OAS2: variants seen among roughly 807,000 people sequenced by gnomAD.
OAS2 encodes 2'-5'-oligoadenylate synthetase 2.
In OAS2, 67 loss-of-function variants were observed where a neutral mutation model predicts 71.3. That is an observed-to-expected ratio of 0.94 (90% CI 0.77 to 1.15). OAS2 has a LOEUF of 1.15. OAS2 is among the 50% of genes most tolerant of loss of function. OAS2 has a pLI of 0.00. For synonymous variants in OAS2, 327 were observed against 321.8 expected, an observed-to-expected ratio of 1.02 and a Z score of -0.17; for missense variants, 789 against 822.5, an observed-to-expected ratio of 0.96 and a Z score of 0.50.
At position 113,007,788 on chromosome 12, in the gene OAS2, G is replaced by A. The variant is rs764614635; in HGVS notation, c.1740G>A (p.Gly580=). 2 of 1,614,200 alleles carry A rather than the reference G, an allele frequency of 1.2e-6. No homozygotes were observed. Among genetic ancestry groups the A allele is most frequent in the Non-Finnish European group, 1.7e-6 (2 of 1,180,014 alleles). Residue 580 remains glycine, a synonymous_variant, in exon 9 of 10, where the codon GGG becomes GGA. Transcript: ENST00000392583. ...ELLTIYAWEQ[G]SGVPDFDTAE... is the part of the protein sequence containing the mutation. ...TCACCATCTATGCCTGGGAGCAGGG[G>A]AGTGGAGTGCCGGATTTTGACACTG...
In OAS2 at chr12:113,004,821, G is replaced by A. The variant is rs560868960; in HGVS notation, c.1180-113G>A. 133 of 1,006,506 alleles carry A rather than the reference G, an allele frequency of 1.3e-4. No individual in the cohort carries two copies. In the South Asian group the frequency reaches 1.9e-3, roughly 15 times the overall value. 62.3% of individuals were successfully genotyped at this position (1,006,506 alleles called of 1,614,324 possible). On this transcript the variant is annotated intron_variant, in intron 6 of 9. Transcript: ENST00000392583. ...GACTCAGCCCTCACTGAACCCTAAC[G>A]CAGAACTTGGCCTTGGAAACAGTGT...
chr12:113,003,146 T>C (rs2044304684), intron 6 of OAS2, 44 bp downstream of exon 6: 9 of 1,598,646 alleles, frequency 5.6e-6, no homozygotes, highest in East Asian at 4.5e-5. Context: ...TGATGTAATA[T>C]TGGGCATTCC....
chr12:113,005,420 T>C (rs2003480), intron 7 of OAS2, among the ~76,000 whole-genome samples, 198 bp downstream of exon 7: 79,529 of 151,580 alleles, frequency 0.52, 21,070 homozygotes, highest in African/African-American at 0.6. Flanking sequence ...CATGGGGCTG[T>C]GTGCCTATAA....
In OAS2 at chr12:112,978,637, C is replaced by G; in HGVS notation, c.29C>G (p.Ser10Trp). Residue 10 changes from serine (S) to tryptophan (W), a missense_variant, in exon 1 of 10, where the codon TCG becomes TGG. Physicochemically the swap from Ser to Trp is radical, Grantham distance 177 (BLOSUM62 -3). Coordinates refer to ENST00000392583, the MANE Select transcript of OAS2 (RefSeq NM_002535.3). The surrounding 1 kb of genome is among the most constrained non-coding windows in gnomAD (Gnocchi z 4.2). Reference protein sequence around the residue: MGNGESQLSSVPAQKLGWFI... With the variant: MGNGESQLSWVPAQKLGWFI... The stretch of plus-strand genomic sequence containing the variant: ...GGAAATGGGGAGTCCCAGCTGTCCT[C>G]GGTGCCTGCTCAGAAGCTGGGTTGG... The G allele has an allele frequency of 6.2e-7, 1 of 1,614,112 alleles. No homozygotes were observed. Among genetic ancestry groups the G allele is most frequent in the Non-Finnish European group, 8.5e-7 (1 of 1,179,996 alleles).
intron 1 of OAS2, among the ~76,000 whole-genome samples, chr12:112,983,982 G>T (rs953092590): frequency 6.6e-6 from 1 of 152,144 alleles, no homozygotes; most frequent in African/African-American, 2.4e-5. Context: ...CTATAATGCA[G>T]ACTAAGTCCA....
chr12:112,988,395 TGAAA>T, intron 2 of OAS2: 2 of 332,650 alleles, frequency 6.0e-6, no homozygotes, highest in Non-Finnish European at 8.6e-6. Flanking sequence ...GTACTGAAAA[TGAAA>T]GTGAGGTACA....
chr12:113,003,491 G>A (rs189437486), intron 6 of OAS2, among the ~76,000 whole-genome samples: 61 of 152,212 alleles, frequency 4.0e-4, no homozygotes, highest in African/African-American at 1.4e-3. Flanking sequence ...TCATCTCCAG[G>A]TCCTTAACTC....
intron 2 of OAS2, among the ~76,000 whole-genome samples, chr12:112,989,583 G>T (rs929621388): frequency 1.3e-5 from 2 of 152,204 alleles, no homozygotes; most frequent in Non-Finnish European, 2.9e-5. Flanking sequence ...GATGATAAAG[G>T]GTTGTGGAGA....
intron 1 of OAS2, among the ~76,000 whole-genome samples, chr12:112,984,606 T>C (rs566020702): frequency 6.6e-6 from 1 of 152,204 alleles, no homozygotes; most frequent in Admixed American, 6.5e-5. Context: ...CTCCTGTCAT[T>C]TTGTTATTTG....
At position 113,005,128 on chromosome 12, in the gene OAS2, G is replaced by T; in HGVS notation, c.1374G>T (p.Lys458Asn). Reference sequence around the variant, plus strand: ...TTGAAGTCAGCTTTGAGCCTCCCAAGTGGAAGGCTCCCAGGGTGCTGAGCT... The same window carrying T: ...TTGAAGTCAGCTTTGAGCCTCCCAATTGGAAGGCTCCCAGGGTGCTGAGCT... ...EELEVSFEPPKWKAPRVLSFS... is the reference protein window; with the variant it reads ...EELEVSFEPPNWKAPRVLSFS... Residue 458 changes from lysine (K) to asparagine (N), a missense_variant, in exon 7 of 10, where the codon AAG (lysine) becomes AAT (asparagine). Coordinates refer to ENST00000392583, the MANE Select transcript of OAS2 (RefSeq NM_002535.3). 2 of 1,614,082 alleles carry T rather than the reference G, an allele frequency of 1.2e-6. No individual in the cohort carries two copies. Among genetic ancestry groups the T allele is most frequent in the East Asian group, 2.2e-5 (1 of 44,862 alleles).
intron 1 of OAS2, among the ~76,000 whole-genome samples, chr12:112,984,146 C>T (rs968025183): frequency 4.6e-5 from 7 of 152,178 alleles, no homozygotes; most frequent in Admixed American, 1.3e-4. Flanking sequence ...ACTGTATTGG[C>T]AGTCTCTCGG....
chr12:112,990,597 G>A (rs1341348987), intron 2 of OAS2, among the ~76,000 whole-genome samples: 2 of 152,194 alleles, frequency 1.3e-5, no homozygotes, highest in African/African-American at 2.4e-5. Flanking sequence ...GAAGGGGAAG[G>A]GGATTCTCCA....
intron 1 of OAS2, among the ~76,000 whole-genome samples, chr12:112,985,875 A>C (rs1432931912): frequency 6.6e-6 from 1 of 152,230 alleles, no homozygotes; most frequent in Admixed American, 6.5e-5. Context: ...CAGGAGGCTG[A>C]GGTGGGAAGA....
intron 1 of OAS2, among the ~76,000 whole-genome samples, chr12:112,979,344 C>T (rs540177323): frequency 2.9e-4 from 44 of 152,160 alleles, no homozygotes; most frequent in Non-Finnish European, 4.9e-4. Context: ...GAATTGGGGG[C>T]GTGGGGGTCC....
intron 2 of OAS2, chr12:112,988,943 A>C (rs1007846283): frequency 4.3e-5 from 7 of 162,370 alleles, no homozygotes; most frequent in Middle Eastern, 2.9e-3. Context: ...CTATTTAGAA[A>C]GTATATTTGC....
chr12:112,986,671 G>A (rs1185461954), intron 1 of OAS2, among the ~76,000 whole-genome samples: 1 of 152,156 alleles, frequency 6.6e-6, no homozygotes, highest in Admixed American at 6.5e-5. Flanking sequence ...GTGTGTGCAG[G>A]TGCTGGCCGC....
At position 113,007,691 on chromosome 12, in the gene OAS2, C is replaced by T; in HGVS notation, c.1657-14C>T. The T allele has an allele frequency of 6.2e-7, 1 of 1,605,908 alleles. No individual in the cohort carries two copies. The highest frequency in any genetic ancestry group is 1.3e-5 in the African/African-American group (1 of 74,862). On this transcript the variant is annotated splice_polypyrimidine_tract_variant and intron_variant, in intron 8 of 9. Coordinates refer to ENST00000392583, the MANE Select transcript of OAS2 (RefSeq NM_002535.3). ...AGGCTAACCAGTTCGTCTGATGTTC[C>T]CACTCTTACCTAGTGTGAAAGGAAA...
At chr12:112,987,626 G>T in intron 2 of OAS2, 1 of 1,207,336 alleles carries the variant, frequency 8.3e-7, no homozygotes, top group Non-Finnish European at 1.0e-6. Flanking sequence ...GGAGGTCTGA[G>T]TTAGAGCCCA....
Position 112,997,549 on chromosome 12 carries a change from G to T in OAS2, c.657G>T (p.Ser219=). The change falls in exon 4 of 10, where the codon TCG becomes TCT. Residue 219 remains serine, a synonymous_variant. Transcript: ENST00000392583. The part of the protein sequence containing the change: ...QCQKKIKDLP[S]LSPYALELLT... Reference sequence around the variant, plus strand: ...AGAAAAAAATCAAGGATTTACCCTCGCTGTCTCCGTATGCCCTGGAGCTGC... The same window carrying T: ...AGAAAAAAATCAAGGATTTACCCTCTCTGTCTCCGTATGCCCTGGAGCTGC... The T allele has an allele frequency of 6.2e-7, 1 of 1,613,900 alleles. No homozygotes were observed. Among genetic ancestry groups the T allele is most frequent in the South Asian group, 1.1e-5 (1 of 91,036 alleles).
Sources: gnomAD v4.1 joint callset for allele counts (sites outside exome capture counted in the v4.1 genomes callset) on GRCh38, gnomAD v4.1.1 for gene constraint, Gnocchi (gnomAD v3.1) non-coding constraint, MANE v1.5 for transcripts, NCBI Gene and HGNC (gene_info 2026-07-23, HGNC 2026-07-21) for gene names.